Variants in SVIL observed in about 807,000 individuals in gnomAD.
SVIL encodes archvillin.
Under a neutral mutation model 240.4 loss-of-function variants are expected in SVIL, and 101 were observed. The ratio of observed to expected loss-of-function variants is 0.42; its 90% CI spans 0.36 to 0.50. The LOEUF (loss-of-function observed/expected upper bound fraction) is 0.50. Ranked by LOEUF, SVIL falls within the 20% of genes least tolerant of loss-of-function variation. SVIL has a pLI of 0.01. For synonymous variants in SVIL, 999 were observed against 1,100.0 expected, an observed-to-expected ratio of 0.91 and a Z score of 1.82; for missense variants, 2,512 against 2,818.7, an observed-to-expected ratio of 0.89 and a Z score of 2.46.
chr10:29,504,646 G>A (rs1278056282), intron 17 of SVIL, among the ~76,000 whole-genome samples: 1 of 152,176 alleles, frequency 6.6e-6, no homozygotes, highest in East Asian at 1.9e-4. Context: ...AAAACAAGGT[G>A]ACATTATTAC....
intron 17 of SVIL, among the ~76,000 whole-genome samples, chr10:29,509,928 G>A (rs144210945): frequency 7.9e-5 from 12 of 152,278 alleles, no homozygotes; most frequent in Admixed American, 7.2e-4. Flanking sequence ...TTTGAGACAG[G>A]GTCTTGCTTT....
chr10:29,576,972 C>A (rs1038667738), intron 1 of SVIL, among the ~76,000 whole-genome samples: 1 of 152,156 alleles, frequency 6.6e-6, no homozygotes, highest in Non-Finnish European at 1.5e-5. Context: ...CCTCTGCCTC[C>A]TGGATTCAAG....
intron 26 of SVIL, among the ~76,000 whole-genome samples, chr10:29,485,313 C>G (rs189762424): frequency 6.6e-6 from 1 of 151,976 alleles, no homozygotes; most frequent in Non-Finnish European, 1.5e-5. Flanking sequence ...GTGATACATA[C>G]AGGAGGGGTT....
intron 1 of SVIL, among the ~76,000 whole-genome samples, chr10:29,586,318 G>A (rs1346201020): frequency 6.6e-6 from 1 of 152,176 alleles, no homozygotes; most frequent in African/African-American, 2.4e-5. Flanking sequence ...AATAATAAAT[G>A]TACATATTTA....
chr10:29,502,737 GTTC>G (rs1948998404), intron 17 of SVIL, among the ~76,000 whole-genome samples: 1 of 151,948 alleles, frequency 6.6e-6, no homozygotes, highest in Admixed American at 6.6e-5. Context: ...TAGAAAGGAG[GTTC>G]TTGTCTTAGG....
chr10:29,705,101 T>G (rs1416774343), intron 1 of SVIL, among the ~76,000 whole-genome samples: 1 of 152,060 alleles, frequency 6.6e-6, no homozygotes, highest in Admixed American at 6.6e-5. Context: ...AACCTTGAAG[T>G]AGCATTGGAA....
chr10:29,709,045 A>C (rs1276150424), intron 1 of SVIL, among the ~76,000 whole-genome samples: 1 of 152,212 alleles, frequency 6.6e-6, no homozygotes, highest in African/African-American at 2.4e-5. Flanking sequence ...AAAGCCAGAG[A>C]AGGAACCGAA....
rs10826641 is a variant in SVIL at position 29,486,976 on chromosome 10, T to C, written c.4485+187A>G. Among the ~76,000 whole-genome samples the C allele has an allele frequency of 0.095, 14,458 of 152,200 alleles. 865 individuals are homozygous for C. The highest frequency in any genetic ancestry group is 0.13 in the Non-Finnish European group (8,997 of 68,000). On this transcript the variant is annotated intron_variant, in intron 24 of 37. Transcript: ENST00000355867. ...TGGGGTGTAGGTCATAGTCCTAAAGTATCCCATTTAAACATGTAATGAAAG... is the reference window on the plus strand; with the variant it reads ...TGGGGTGTAGGTCATAGTCCTAAAGCATCCCATTTAAACATGTAATGAAAG...
chr10:29,669,797 T>G (rs572018247), intron 2 of SVIL, among the ~76,000 whole-genome samples: 14 of 152,160 alleles, frequency 9.2e-5, no homozygotes, highest in Non-Finnish European at 1.9e-4. Flanking sequence ...TATTGCTGTC[T>G]GGGAGTTAGT....
intron 17 of SVIL, 53 bp from the exon 18 acceptor site, chr10:29,499,316 G>A: frequency 6.2e-7 from 1 of 1,609,104 alleles, no homozygotes; most frequent in African/African-American, 1.3e-5. Flanking sequence ...ACAGCGGTGT[G>A]GACCTCAGCC....
In SVIL at chr10:29,551,274, G is replaced by T; in HGVS notation, c.161-11C>A. The stretch of plus-strand genomic sequence containing the variant: ...CTTCATTTGATCGGCCTACAAGAAG[G>T]TCACATGGATGAGAGGTGCAGATTT... On this transcript the variant is annotated splice_polypyrimidine_tract_variant and intron_variant, in intron 5 of 37. Transcript: ENST00000355867. The T allele has an allele frequency of 6.4e-7, 1 of 1,573,818 alleles. No individual in the cohort carries two copies. The highest frequency in any genetic ancestry group is 2.2e-5 in the East Asian group (1 of 44,604).
chr10:29,610,102 G>C (rs1416671801), intron 1 of SVIL, among the ~76,000 whole-genome samples: 1 of 152,060 alleles, frequency 6.6e-6, no homozygotes, highest in African/African-American at 2.4e-5. Context: ...TTTCCACACT[G>C]TGGCGGGCTC....
chr10:29,531,215 A>G, intron 10 of SVIL, 39 bp downstream of exon 10: 3 of 1,605,898 alleles, frequency 1.9e-6, no homozygotes, highest in Non-Finnish European at 2.6e-6. Flanking sequence ...AGTCTAGATG[A>G]GATAATAAAG....
At chr10:29,608,254 T>A (rs932306329) in intron 1 of SVIL, among the ~76,000 whole-genome samples, 13 of 152,226 alleles carry the variant, frequency 8.5e-5, no homozygotes, top group Non-Finnish European at 1.2e-4. Flanking sequence ...GGCAATTACC[T>A]CTGCTGCAAA....
chr10:29,506,221 A>C (rs532478765), intron 17 of SVIL, among the ~76,000 whole-genome samples: 9 of 152,180 alleles, frequency 5.9e-5, no homozygotes, highest in Non-Finnish European at 1.2e-4. Flanking sequence ...TTAAAGTTTA[A>C]TATTGGCTTA....
chr10:29,526,891 G>A, intron 13 of SVIL, 70 bp downstream of exon 13: 1 of 1,236,792 alleles, frequency 8.1e-7, no homozygotes, highest in Admixed American at 3.3e-5. Context: ...AGACATTCAA[G>A]ACTTTAGGAT....
intron 3 of SVIL, among the ~76,000 whole-genome samples, chr10:29,640,640 C>T (rs556780850): frequency 8.5e-5 from 13 of 152,294 alleles, no homozygotes; most frequent in African/African-American, 3.1e-4. Context: ...CCTACCTGAC[C>T]GCAACCTCCC....
At chr10:29,714,311 C>T (rs1353282329) in intron 1 of SVIL, among the ~76,000 whole-genome samples, 1 of 152,034 alleles carries the variant, frequency 6.6e-6, no homozygotes, top group Non-Finnish European at 1.5e-5. Context: ...ATAGATGAAC[C>T]AATACTTAAA....
intron 1 of SVIL, among the ~76,000 whole-genome samples, chr10:29,633,000 A>G (rs1958162353): frequency 6.6e-6 from 1 of 152,146 alleles, no homozygotes; most frequent in South Asian, 2.1e-4. Flanking sequence ...TTGGGAGCCC[A>G]AGGTGGGCGG....
Sources: allele counts gnomAD v4.1 joint callset (sites outside exome capture counted in the v4.1 genomes callset), GRCh38; gene constraint gnomAD v4.1.1; transcripts MANE v1.5; gene names NCBI Gene and HGNC (gene_info 2026-07-23, HGNC 2026-07-21).